NPHP3: variants seen among roughly 807,000 people sequenced by gnomAD.
NPHP3 encodes nephrocystin-3.
A neutral mutation model predicts 171.9 loss-of-function variants in NPHP3; 123 were observed. The ratio of observed to expected loss-of-function variants is 0.72; its 90% CI spans 0.62 to 0.83. The LOEUF is 0.83. Among genes scored for constraint, NPHP3 ranks in the 40% least tolerant of loss-of-function variants. NPHP3 has a pLI of 0.00. For missense variants in NPHP3, 1,506 were observed against 1,591.9 expected (o/e 0.95, Z 0.92); for synonymous variants, 558 against 579.2 (o/e 0.96, Z 0.52).
chr3:132,716,664 C>T, intron 4 of NPHP3, 93 bp downstream of exon 4: 1 of 1,389,144 alleles, frequency 7.2e-7, no homozygotes, highest in Non-Finnish European at 1.0e-6. Context: ...AAATTTCATG[C>T]TTTGCTAATG....
Position 132,689,119 on chromosome 3 carries a change from A to T in NPHP3, c.2838T>A (p.Tyr946Ter). Reference sequence around the variant, plus strand: ...CCTTGAGAAATCGCCCCAAGGTTTCATAAAGATCAGCTAAGCAACTCATGT... The same window carrying T: ...CCTTGAGAAATCGCCCCAAGGTTTCTTAAAGATCAGCTAAGCAACTCATGT... The part of the protein sequence containing the change: ...EDNMSCLADL[Y>*]ETLGRFLKDL... The change falls in exon 20 of 27, where the codon TAT (tyrosine) becomes TAA (stop). Residue 946 changes from tyrosine to a stop codon, truncating the protein, a stop_gained. Coordinates refer to ENST00000337331, the MANE Select transcript of NPHP3 (RefSeq NM_153240.5). LOFTEE classifies it high-confidence loss of function. The T allele has an allele frequency of 6.2e-7, 1 of 1,614,154 alleles. No homozygotes were observed.
At chr3:132,718,520 C>T (rs1940117325) in intron 3 of NPHP3, among the ~76,000 whole-genome samples, 1 of 152,198 alleles carries the variant, frequency 6.6e-6, no homozygotes, top group African/African-American at 2.4e-5. Context: ...CCATTCTCCT[C>T]TTCTTTCTTC....
At chr3:132,717,819 G>A (rs1392380123) in intron 3 of NPHP3, 9 of 159,630 alleles carry the variant, frequency 5.6e-5, no homozygotes, top group South Asian at 5.6e-4. Flanking sequence ...GTGCGGTGGC[G>A]CGATCTTGGC....
At chr3:132,688,507 C>G in intron 21 of NPHP3, 143 bp downstream of exon 21, 4 of 883,216 alleles carry the variant, frequency 4.5e-6, no homozygotes, top group South Asian at 1.4e-5. Flanking sequence ...TCTTATAGTT[C>G]TCATTTTCTC....
intron 16 of NPHP3, among the ~76,000 whole-genome samples, chr3:132,694,541 G>C (rs1219670519): frequency 6.6e-6 from 1 of 151,972 alleles, no homozygotes; most frequent in Non-Finnish European, 1.5e-5. Context: ...GAACATTTAA[G>C]ACACCTACAG....
intron 24 of NPHP3, 131 bp downstream of exon 24, chr3:132,684,423 A>T: frequency 1.2e-6 from 1 of 842,944 alleles, no homozygotes; most frequent in East Asian, 2.6e-5. Context: ...TTACTTGTTA[A>T]AAGTTAAATC....
Position 132,700,423 on chromosome 3 carries a change from G to C in NPHP3, c.1654C>G (p.Pro552Ala). 6.2e-7 allele frequency: 1 copy of C among 1,611,288 alleles called. No homozygotes were observed. Among genetic ancestry groups the C allele is most frequent in the Non-Finnish European group, 8.5e-7 (1 of 1,178,342 alleles). ...AAATGGGAAAGAATCAGTGTGTTGGGGGAATTCTTCTGTTGTAATTGAATC... is the reference window on the plus strand; with the variant it reads ...AAATGGGAAAGAATCAGTGTGTTGGCGGAATTCTTCTGTTGTAATTGAATC... ...KWIQLQQKNSPNTLILSHFVG... is the reference protein window; with the variant it reads ...KWIQLQQKNSANTLILSHFVG... Residue 552 changes from proline to alanine, a missense_variant, in exon 11 of 27, where the codon CCC becomes GCC. Physicochemically the swap from Pro to Ala is conservative, Grantham distance 27. Coordinates refer to ENST00000337331, the MANE Select transcript of NPHP3 (RefSeq NM_153240.5).
At position 132,704,225 on chromosome 3, in the gene NPHP3, A is replaced by C; in HGVS notation, c.1497T>G (p.Asn499Lys). The C allele has an allele frequency of 1.2e-6, 2 of 1,614,236 alleles. No homozygotes were observed. The highest frequency in any genetic ancestry group is 8.5e-7 in the Non-Finnish European group (1 of 1,180,048). The change falls in exon 9 of 27, where the codon AAT becomes AAG. Residue 499 changes from asparagine to lysine, a missense_variant. Transcript: ENST00000337331. ...EQMETFQQAS[N>K]SAHELGFEKY... is the part of the protein sequence containing the mutation. ...TCTCAAATCCCAACTCATGGGCTGA[A>C]TTAGAAGCCTGCTGAAAAGTTTCCA...
chr3:132,683,391 G>A lies in NPHP3; in HGVS notation c.3696+8C>T, dbSNP rs760221637. ...TCACTGATACAACGTTAAAATATGGGAACTTACCATTTGGCTATAAAGAAC... is the reference window on the plus strand; with the variant it reads ...TCACTGATACAACGTTAAAATATGGAAACTTACCATTTGGCTATAAAGAAC... On this transcript the variant is annotated splice_region_variant and intron_variant, in intron 25 of 26. Coordinates refer to ENST00000337331, the MANE Select transcript of NPHP3 (RefSeq NM_153240.5). 1 of 1,611,804 alleles carries A rather than the reference G, an allele frequency of 6.2e-7. No homozygotes were observed.
At chr3:132,716,508 C>T (rs1186546064) in intron 4 of NPHP3, among the ~76,000 whole-genome samples, 1 of 152,176 alleles carries the variant, frequency 6.6e-6, no homozygotes, top group Admixed American at 6.5e-5. Context: ...CCAGAGAATT[C>T]AGACCATAAC....
chr3:132,689,425 A>G (rs915662309), intron 19 of NPHP3, among the ~76,000 whole-genome samples, 162 bp from the exon 20 acceptor site: 1 of 152,298 alleles, frequency 6.6e-6, no homozygotes, highest in Middle Eastern at 3.4e-3. Context: ...TTCCACCACT[A>G]TCCTAGCTAT....
intron 17 of NPHP3, among the ~76,000 whole-genome samples, chr3:132,692,339 C>G (rs1939320771): frequency 6.6e-6 from 1 of 152,134 alleles, no homozygotes; most frequent in Admixed American, 6.5e-5. Flanking sequence ...TTCAATGAAA[C>G]ATAATTGAAA....
chr3:132,701,682 C>CT (rs1347009507), intron 9 of NPHP3, 149 bp from the exon 10 acceptor site: 3 of 640,088 alleles, frequency 4.7e-6, no homozygotes, highest in Admixed American at 2.5e-5. Flanking sequence ...TCATAATTGC[C>CT]TACTTTTATG....
Position 132,701,330 on chromosome 3 carries a change from A to C in NPHP3, c.1628+100T>G. On this transcript the variant is annotated intron_variant, in intron 10 of 26. Transcript: ENST00000337331. ...ATTCCTTTTTACTTTGTTAATGTTT[A>C]GTGTAGGCCGCGCAGGAAGGCAGGC... The C allele has an allele frequency of 3.8e-6, 3 of 781,352 alleles. No homozygotes were observed. In the South Asian group the frequency reaches 4.4e-5, roughly 11 times the overall value. 48.4% of individuals were successfully genotyped at this position (781,352 alleles called of 1,614,324 possible).
chr3:132,710,064 A>C (rs564095588), intron 6 of NPHP3, among the ~76,000 whole-genome samples: 1 of 152,340 alleles, frequency 6.6e-6, no homozygotes, highest in Admixed American at 6.5e-5. Context: ...GAACGGAAGC[A>C]GATGCTACAG....
intron 5 of NPHP3, 59 bp from the exon 6 acceptor site, chr3:132,713,345 T>C: frequency 2.6e-6 from 3 of 1,141,668 alleles, no homozygotes; most frequent in East Asian, 5.1e-5. Context: ...TCAAGTGAGA[T>C]TCATACTACT....
chr3:132,693,396 T>C (rs1208841331), intron 16 of NPHP3: 1 of 153,666 alleles, frequency 6.5e-6, no homozygotes, highest in Non-Finnish European at 1.4e-5. Flanking sequence ...GAGGTAGAAT[T>C]AGATTTCTTG....
chr3:132,684,720 G>A lies in NPHP3; in HGVS notation c.3404C>T (p.Ala1135Val). The A allele has an allele frequency of 6.2e-7, 1 of 1,614,024 alleles. No individual in the cohort carries two copies. The highest frequency in any genetic ancestry group is 8.5e-7 in the Non-Finnish European group (1 of 1,179,978). Residue 1135 changes from alanine (A) to valine (V), a missense_variant, in exon 24 of 27, where the codon GCT becomes GTT. Physicochemically the swap from Ala to Val is moderately conservative, Grantham distance 64. This residue lies in a region of NPHP3 where 569 missense variants were observed against 648.1 expected (regional missense o/e 0.88). Coordinates refer to ENST00000337331, the MANE Select transcript of NPHP3 (RefSeq NM_153240.5). Reference sequence around the variant, plus strand: ...AGCTGCCAGATTATTCAAAGACTGAGCACAGTCAGGGTGATCTGGTCCTAG... The same window carrying A: ...AGCTGCCAGATTATTCAAAGACTGAACACAGTCAGGGTGATCTGGTCCTAG... The part of the protein sequence containing the change: ...RVLGPDHPDC[A>V]QSLNNLAALC...
intron 8 of NPHP3, 149 bp from the exon 9 acceptor site, chr3:132,704,520 A>AT: frequency 1.6e-6 from 1 of 632,590 alleles, no homozygotes; most frequent in Non-Finnish European, 2.8e-6. Context: ...GAATAAACTG[A>AT]TAACTACAAA....
Sources: allele counts gnomAD v4.1 joint callset (sites outside exome capture counted in the v4.1 genomes callset), GRCh38; gene constraint gnomAD v4.1.1; regional missense constraint gnomAD v4.1.1; transcripts MANE v1.5; gene names NCBI Gene and HGNC (gene_info 2026-07-23, HGNC 2026-07-21).